The following DIP2C variants were observed in gnomAD, a reference collection of about 807,000 sequenced individuals.
DIP2C encodes the protein DIP2 acetate--CoA ligase C (putative), also known as disco-interacting protein 2 homolog C.
DIP2C carries 33 observed loss-of-function variants against 192.4 expected under a neutral mutation model. The observed-to-expected ratio is 0.17, with a 90% CI of 0.13 to 0.23. The LOEUF is 0.23. Among genes scored for constraint, DIP2C ranks in the 10% least tolerant of loss-of-function variants. The pLI is 1.00. For missense variants in DIP2C, 1,537 were observed against 2,110.1 expected, an observed-to-expected ratio of 0.73 and a Z score of 5.32; for synonymous variants, 979 against 864.1, an observed-to-expected ratio of 1.13 and a Z score of -2.33.
intron 3 of DIP2C, among the ~76,000 whole-genome samples, chr10:456,698 C>A (rs953190922): frequency 6.6e-6 from 1 of 152,214 alleles, no homozygotes; most frequent in Non-Finnish European, 1.5e-5. Flanking sequence ...CGTTTGTCTC[C>A]ACTACACAGG....
chr10:373,750 A>G (rs1589642019), intron 17 of DIP2C, among the ~76,000 whole-genome samples: 1 of 152,154 alleles, frequency 6.6e-6, no homozygotes, highest in Non-Finnish European at 1.5e-5. Flanking sequence ...CCTGAGTTAA[A>G]AGAACCTGCT....
At chr10:476,335 C>T (rs1423692122) in intron 2 of DIP2C, among the ~76,000 whole-genome samples, 1 of 152,180 alleles carries the variant, frequency 6.6e-6, no homozygotes, top group South Asian at 2.1e-4. Context: ...CCCATGCCTG[C>T]GGTCGTGGCC....
chr10:571,661 C>G (rs1849823859), intron 1 of DIP2C, among the ~76,000 whole-genome samples: 3 of 152,186 alleles, frequency 2.0e-5, no homozygotes, highest in Non-Finnish European at 4.4e-5. Context: ...TCTTAATGAA[C>G]AGAAACGTGT....
chr10:521,125 A>C (rs1846680683), intron 1 of DIP2C, among the ~76,000 whole-genome samples: 1 of 152,334 alleles, frequency 6.6e-6, no homozygotes, highest in East Asian at 1.9e-4. Context: ...CATTTTCACA[A>C]ATCTTTGAAC....
chr10:584,269 A>C (rs1309700494), intron 1 of DIP2C, among the ~76,000 whole-genome samples: 7 of 152,240 alleles, frequency 4.6e-5, no homozygotes, highest in Non-Finnish European at 7.3e-5. Context: ...CTCTTTAAAC[A>C]ACCACCAGCC....
chr10:565,611 T>TAA (rs145113061), intron 1 of DIP2C, among the ~76,000 whole-genome samples: 67 of 152,300 alleles, frequency 4.4e-4, no homozygotes, highest in African/African-American at 1.6e-3. Flanking sequence ...TCACACATGC[T>TAA]AAAGGAATAA....
intron 1 of DIP2C, among the ~76,000 whole-genome samples, chr10:574,958 C>T (rs1850059942): frequency 1.3e-5 from 2 of 152,178 alleles, no homozygotes; most frequent in Admixed American, 6.5e-5. Context: ...CTCAGGTTCA[C>T]CTTCCACGAG....
intron 1 of DIP2C, among the ~76,000 whole-genome samples, chr10:553,403 G>A (rs961817156): frequency 1.3e-5 from 2 of 152,196 alleles, no homozygotes; most frequent in East Asian, 1.9e-4. Flanking sequence ...CAAGCCCTTC[G>A]TGAGCCTAGA....
At chr10:601,175 TTTAA>T (rs1276382123) in intron 1 of DIP2C, among the ~76,000 whole-genome samples, 1 of 152,166 alleles carries the variant, frequency 6.6e-6, no homozygotes, top group Non-Finnish European at 1.5e-5. Flanking sequence ...CTGTAGAGGT[TTTAA>T]TTATAGTACT....
At chr10:653,373 TG>T (rs1298922432) in intron 1 of DIP2C, among the ~76,000 whole-genome samples, 1 of 152,056 alleles carries the variant, frequency 6.6e-6, no homozygotes, top group Admixed American at 6.6e-5. Context: ...GCTTGAACCC[TG>T]GAAGTGGAGG....
At chr10:303,112 C>T (rs1238375285) in intron 32 of DIP2C, among the ~76,000 whole-genome samples, 2 of 151,978 alleles carry the variant, frequency 1.3e-5, no homozygotes, top group Non-Finnish European at 2.9e-5. Flanking sequence ...CGGCTGTAGA[C>T]TTCATAAACA....
intron 9 of DIP2C, among the ~76,000 whole-genome samples, chr10:406,232 T>C (rs537655207): frequency 1.1e-3 from 162 of 152,382 alleles, no homozygotes; most frequent in African/African-American, 3.5e-3. Flanking sequence ...CGTTTCATTA[T>C]GTGGTAACAC....
chr10:573,694 G>A (rs1048207534), intron 1 of DIP2C, among the ~76,000 whole-genome samples: 4 of 148,570 alleles, frequency 2.7e-5, no homozygotes, highest in Non-Finnish European at 5.9e-5. Context: ...ACAGGCATGA[G>A]CCATCACGCC....
chr10:408,792 A>G (rs530317361), intron 9 of DIP2C, 134 bp downstream of exon 9: 81 of 712,686 alleles, frequency 1.1e-4, no homozygotes, highest in South Asian at 1.7e-4. Flanking sequence ...CTTACCAGGT[A>G]GCAGTTAAGA....
At chr10:502,442 C>T (rs1236375200) in intron 1 of DIP2C, among the ~76,000 whole-genome samples, 2 of 152,060 alleles carry the variant, frequency 1.3e-5, no homozygotes, top group Non-Finnish European at 2.9e-5. Flanking sequence ...ACGAAAGGCT[C>T]ATATTCGAAA....
At chr10:552,877 G>GC (rs1396664071) in intron 1 of DIP2C, among the ~76,000 whole-genome samples, 1 of 152,198 alleles carries the variant, frequency 6.6e-6, no homozygotes, top group Non-Finnish European at 1.5e-5. Flanking sequence ...CCCCATGTCT[G>GC]CCCTGGCTCC....
chr10:553,949 CCTCAT>C (rs1564843377), intron 1 of DIP2C, among the ~76,000 whole-genome samples: 1 of 149,914 alleles, frequency 6.7e-6, no homozygotes, highest in Non-Finnish European at 1.5e-5. Context: ...AGAAATGATA[CCTCAT>C]AGAAAAAACG....
At chr10:664,227 T>C (rs906641922) in intron 1 of DIP2C, 3 of 152,230 alleles carry the variant, frequency 2.0e-5, no homozygotes, top group African/African-American at 7.2e-5. Flanking sequence ...AACTCCCATC[T>C]GCCTTTTGTG....
rs151025749 is a variant in DIP2C, at chr10:527,473, G to C, written c.86-40943C>G. On this transcript the variant is annotated intron_variant, in intron 1 of 36. Coordinates refer to ENST00000280886, the MANE Select transcript of DIP2C (RefSeq NM_014974.3). ...AATTTTAAAATTAGAGCAAAAAGAT[G>C]TGGTGTTTATTCCCTCATTTCTACT... Among the ~76,000 whole-genome samples, 114 of 152,342 alleles carry C rather than the reference G, an allele frequency of 7.5e-4. 1 individual carries two copies. Among genetic ancestry groups the C allele is most frequent in the African/African-American group, 2.6e-3 (108 of 41,584 alleles).
Sources: allele counts gnomAD v4.1 joint callset (sites outside exome capture counted in the v4.1 genomes callset), GRCh38; gene constraint gnomAD v4.1.1; transcripts MANE v1.5; gene names NCBI Gene and HGNC (gene_info 2026-07-23, HGNC 2026-07-21).